The following LIPM variants were observed in gnomAD, a reference collection of about 807,000 sequenced individuals.
LIPM encodes the protein lipase member M.
In LIPM, 42 loss-of-function variants were observed where a neutral mutation model predicts 42.4. The observed-to-expected ratio is 0.99, with a 90% CI of 0.77 to 1.28. The LOEUF (loss-of-function observed/expected upper bound fraction) is 1.28, where lower values mean the gene tolerates loss of function less well. Among genes scored for constraint, LIPM ranks in the 50% most tolerant of loss-of-function variants. The probability of loss-of-function intolerance (pLI) is 0.00; values close to 1 mark genes in which losing one functional copy is unlikely to be tolerated. For missense variants in LIPM, 524 were observed against 520.1 expected, an observed-to-expected ratio of 1.01 and a Z score of -0.07; for synonymous variants, 177 against 173.3, an observed-to-expected ratio of 1.02 and a Z score of -0.17.
intron 8 of LIPM, 121 bp from the exon 9 acceptor site, chr10:88,820,111 C>G (rs547915695): frequency 2.6e-6 from 2 of 754,788 alleles, no homozygotes; most frequent in Non-Finnish European, 4.2e-6. Flanking sequence ...TTGTGTGGCT[C>G]TAACACCCAT....
chr10:88,806,113 C>T (rs756673592), intron 1 of LIPM: 4 of 413,766 alleles, frequency 9.7e-6, no homozygotes, highest in African/African-American at 8.2e-5. Context: ...CTGTTGACAG[C>T]ACTTCCAGTG....
chr10:88,820,257 G>A lies in LIPM; in HGVS notation c.1028G>A (p.Arg343Lys). 6.4e-7 allele frequency: 1 copy of A among 1,551,608 alleles called. No homozygotes were observed. The highest frequency in any genetic ancestry group is 1.7e-4 in the Middle Eastern group (1 of 5,994). ...CCAACTCCTGTAAGGTACAGAGTCAGAGATATGACGGTCCCTACAGCAATG... is the reference window on the plus strand; with the variant it reads ...CCAACTCCTGTAAGGTACAGAGTCAAAGATATGACGGTCCCTACAGCAATG... ...NQPTPVRYRV[R>K]DMTVPTAMWT... Residue 343 changes from arginine (R) to lysine (K), a missense_variant, in exon 9 of 9, where the codon AGA (arginine) becomes AAA (lysine). By Grantham distance (26) the Arg-to-Lys change is conservative (BLOSUM62 2). Coordinates refer to ENST00000404743, the MANE Select transcript of LIPM (RefSeq NM_001128215.1).
intron 2 of LIPM, among the ~76,000 whole-genome samples, chr10:88,810,288 G>A (rs973132707): frequency 1.3e-5 from 2 of 152,180 alleles, no homozygotes; most frequent in Non-Finnish European, 2.9e-5. Flanking sequence ...GTTCTTCCAA[G>A]CAGTCGAGTG....
intron 1 of LIPM, among the ~76,000 whole-genome samples, chr10:88,805,643 T>G (rs919441510): frequency 1.6e-4 from 24 of 152,214 alleles, no homozygotes; most frequent in African/African-American, 5.5e-4. Flanking sequence ...TTTTCCAACG[T>G]TTTTTCTGCT....
intron 1 of LIPM, among the ~76,000 whole-genome samples, chr10:88,805,684 CG>C (rs1358253733): frequency 6.6e-6 from 1 of 152,136 alleles, no homozygotes; most frequent in Non-Finnish European, 1.5e-5. Context: ...AATTTCCCAA[CG>C]TTTTAAATAC....
chr10:88,820,496 T>C lies in LIPM; in HGVS notation c.1267T>C (p.Leu423=). 1 of 1,549,994 alleles carries C rather than the reference T, an allele frequency of 6.5e-7. No homozygotes were observed. Among genetic ancestry groups the C allele is most frequent in the Non-Finnish European group, 8.7e-7 (1 of 1,146,650 alleles). ...TTCCCAGGGACGGTGTGAGGCCGTA[T>C]TGTGAAGCATCTGACACTGACGATC... is the stretch of plus-strand genomic sequence containing the variant. ...NLSQGRCEAV[L] is the part of the protein sequence containing the mutation. The change falls in exon 9 of 9, where the codon TTG becomes CTG. Residue 423 remains leucine, a synonymous_variant. Transcript: ENST00000404743.
chr10:88,809,101 T>C (rs1188902063), intron 2 of LIPM, among the ~76,000 whole-genome samples: 2 of 151,900 alleles, frequency 1.3e-5, no homozygotes, highest in Non-Finnish European at 2.9e-5. Flanking sequence ...ATTACAGGCA[T>C]ACACCACCAC....
chr10:88,815,532 A>G, intron 6 of LIPM, 29 bp downstream of exon 6: 1 of 1,546,824 alleles, frequency 6.5e-7, no homozygotes. Flanking sequence ...AATTCCCAGC[A>G]TCCCAGCATA....
chr10:88,817,791 T>C lies in LIPM; in HGVS notation c.931-34T>C, dbSNP rs148720214. The stretch of plus-strand genomic sequence containing the variant: ...CCCACCACGCTTATCCACTGAGACG[T>C]TGGAATTCCTTGTAAATTTTTGTCT... On this transcript the variant is annotated intron_variant, in intron 7 of 8. Coordinates refer to ENST00000404743, the MANE Select transcript of LIPM (RefSeq NM_001128215.1). 1,112 of 1,478,670 alleles carry C rather than the reference T, an allele frequency of 7.5e-4. 5 individuals are homozygous for C. The African/African-American group carries it at 0.013, about 17-fold the overall frequency. 91.6% of individuals were successfully genotyped at this position (1,478,670 alleles called of 1,614,324 possible).
intron 7 of LIPM, 31 bp downstream of exon 7, chr10:88,816,918 A>G: frequency 6.8e-7 from 1 of 1,480,554 alleles, no homozygotes; most frequent in Non-Finnish European, 9.2e-7. Context: ...GTCTTTGCTA[A>G]ATGTCCTGTT....
chr10:88,812,230 T>TG (rs1326686718), intron 2 of LIPM, among the ~76,000 whole-genome samples: 2 of 152,244 alleles, frequency 1.3e-5, no homozygotes, highest in Non-Finnish European at 2.9e-5. Context: ...CATCATATTA[T>TG]GAAGCAAATA....
chr10:88,815,364 T>C lies in LIPM; in HGVS notation c.719T>C (p.Phe240Ser), dbSNP rs1281111435. ...CACTTCATATTTTCACAGGGATTGT[T>C]TGGCAAAAAAGAATTTCTGTATCAG... ...LLPDMMIKGLFGKKEFLYQTR... is the reference protein window; with the variant it reads ...LLPDMMIKGLSGKKEFLYQTR... Residue 240 changes from phenylalanine (F) to serine (S), a missense_variant, in exon 6 of 9, where the codon TTT (phenylalanine) becomes TCT (serine). Phe to Ser is a radical substitution (Grantham distance 155). Transcript: ENST00000404743. 8.4e-6 allele frequency: 13 copies of C among 1,551,464 alleles called. No homozygotes were observed. The highest frequency in any genetic ancestry group is 1.7e-4 in the Middle Eastern group (1 of 6,014).
Position 88,813,168 on chromosome 10 carries a change from A to G in LIPM, c.337A>G (p.Asn113Asp). The G allele has an allele frequency of 6.2e-7, 1 of 1,613,390 alleles. No individual in the cohort carries two copies. Among genetic ancestry groups the G allele is most frequent in the Non-Finnish European group, 8.5e-7 (1 of 1,179,646 alleles). ...GASNWISNLP[N>D]NSLGFILADA... ...TAGCAACTGGATTTCCAACCTGCCC[A>G]ACAATAGCCTGGGCTTCATTCTGGC... Residue 113 changes from asparagine to aspartate, a missense_variant, in exon 3 of 9, where the codon AAC (asparagine) becomes GAC (aspartate). Physicochemically the swap from Asn to Asp is conservative, Grantham distance 23 (BLOSUM62 1). Transcript: ENST00000404743.
intron 3 of LIPM, among the ~76,000 whole-genome samples, chr10:88,813,735 G>T (rs2133057812): frequency 6.6e-6 from 1 of 152,284 alleles, no homozygotes; most frequent in African/African-American, 2.4e-5. Context: ...AAAGTAAAGG[G>T]TTTTAATTTA....
chr10:88,816,448 T>C (rs1336626929), intron 6 of LIPM, among the ~76,000 whole-genome samples: 3 of 152,194 alleles, frequency 2.0e-5, no homozygotes, highest in Non-Finnish European at 4.4e-5. Context: ...CTTTGCAGAT[T>C]AGTATACTAA....
At chr10:88,819,598 AC>A (rs1340526466) in intron 8 of LIPM, among the ~76,000 whole-genome samples, 2 of 152,190 alleles carry the variant, frequency 1.3e-5, no homozygotes, top group Non-Finnish European at 2.9e-5. Flanking sequence ...CTGCATAAAT[AC>A]GGAAAGTTCC....
chr10:88,807,873 A>G (rs1843607934), intron 1 of LIPM, among the ~76,000 whole-genome samples: 2 of 152,208 alleles, frequency 1.3e-5, no homozygotes, highest in Non-Finnish European at 2.9e-5. Flanking sequence ...AATGCCCAGA[A>G]GATTCTGATG....
At chr10:88,815,258 T>C in intron 5 of LIPM, 34 bp downstream of exon 5, 1 of 1,547,194 alleles carries the variant, frequency 6.5e-7, no homozygotes, top group South Asian at 1.2e-5. Context: ...CCTGTGTACG[T>C]AGAAAAATCT....
At chr10:88,817,367 T>C (rs184950216) in intron 7 of LIPM, among the ~76,000 whole-genome samples, 77 of 152,102 alleles carry the variant, frequency 5.1e-4, no homozygotes, top group Middle Eastern at 3.4e-3. Context: ...AAGAGAGGGA[T>C]GGGGGAAGGA....
Sources: allele counts gnomAD v4.1 joint callset (sites outside exome capture counted in the v4.1 genomes callset), GRCh38; gene constraint gnomAD v4.1.1; transcripts MANE v1.5; gene names NCBI Gene and HGNC (gene_info 2026-07-23, HGNC 2026-07-21).